DCC: variants seen among roughly 807,000 people sequenced by gnomAD.
DCC encodes the protein DCC netrin 1 receptor, also known as netrin receptor DCC.
DCC carries 58 observed loss-of-function variants against 172.5 expected under a neutral mutation model. The ratio of observed to expected loss-of-function variants is 0.34; its 90% confidence interval spans 0.27 to 0.42. The LOEUF (loss-of-function observed/expected upper bound fraction) is 0.42, where lower values mean the gene tolerates loss of function less well. Ranked by LOEUF, DCC falls within the 10% of genes least tolerant of loss-of-function variation. DCC has a pLI of 1.00. For synonymous variants in DCC, 709 were observed against 644.5 expected, an observed-to-expected ratio of 1.10 and a Z score of -1.52; for missense variants, 1,740 against 1,791.0, an observed-to-expected ratio of 0.97 and a Z score of 0.51.
In DCC at chr18:53,312,808, C is replaced by CAAAAAA. The variant is rs551648972; in HGVS notation, c.2053+7101_2053+7106dup. On this transcript the variant is annotated intron_variant, in intron 13 of 28. Coordinates refer to ENST00000442544, the MANE Select transcript of DCC (RefSeq NM_005215.4). ...TGGGCGACAGAGCAAGACACTGTCT[C>CAAAAAA]AAAAAAAAAAAAAAAAAGCTTTTAA... 4.4e-4 allele frequency among the ~76,000 whole-genome samples: 27 copies of CAAAAAA among 61,848 alleles called. 2 individuals carry two copies. The highest frequency in any genetic ancestry group is 2.0e-3 in the African/African-American group (24 of 12,084). 40.6% of individuals were successfully genotyped at this position (61,848 alleles called of 152,430 possible). A position where few individuals can be genotyped will look rare whatever the true frequency, so the allele number is the denominator to read the frequency against.
intron 5 of DCC, among the ~76,000 whole-genome samples, chr18:52,982,661 T>A (rs2041230737): frequency 6.6e-6 from 1 of 152,048 alleles, no homozygotes; most frequent in Admixed American, 6.6e-5. Context: ...CAGCCAAACA[T>A]GTTTTGAGAT....
intron 12 of DCC, among the ~76,000 whole-genome samples, chr18:53,295,206 T>G (rs2057052357): frequency 6.6e-6 from 1 of 152,134 alleles, no homozygotes. Flanking sequence ...ATTACGGATC[T>G]CAACTTTAGT....
intron 1 of DCC, among the ~76,000 whole-genome samples, chr18:52,423,826 T>C (rs1598807210): frequency 1.3e-5 from 2 of 152,304 alleles, no homozygotes; most frequent in East Asian, 3.9e-4. Flanking sequence ...GTGTGACCTT[T>C]TCTAATCTTT....
chr18:52,975,296 A>C (rs375618849), intron 5 of DCC, among the ~76,000 whole-genome samples: 14 of 152,108 alleles, frequency 9.2e-5, no homozygotes, highest in East Asian at 1.9e-4. Flanking sequence ...GAAGAGAGAG[A>C]GAGCTCTGGT....
rs865895980 is a variant in DCC, at chr18:53,427,954, A to C, written c.3164-7190A>C. Among the ~76,000 whole-genome samples, 203 of 39,666 alleles carry C rather than the reference A, an allele frequency of 5.1e-3. 27 individuals carry two copies. The highest frequency in any genetic ancestry group is 0.012 in the African/African-American group (194 of 16,698). The allele number at this position is 39,666 out of a possible 152,430, so 26.0% of individuals were successfully genotyped here. The stretch of plus-strand genomic sequence containing the variant: ...TATAATATAATATATTATAATATAT[A>C]ATATAATAATATAATATATAATATA... On this transcript the variant is annotated intron_variant, in intron 21 of 28. Coordinates refer to ENST00000442544, the MANE Select transcript of DCC (RefSeq NM_005215.4).
At chr18:52,580,462 G>C (rs1269768673) in intron 1 of DCC, among the ~76,000 whole-genome samples, 3 of 152,118 alleles carry the variant, frequency 2.0e-5, no homozygotes, top group Admixed American at 1.3e-4. Flanking sequence ...GCAATTTCAG[G>C]TTAAGAGATA....
intron 1 of DCC, among the ~76,000 whole-genome samples, chr18:52,418,648 G>T (rs1987130865): frequency 6.6e-6 from 1 of 152,126 alleles, no homozygotes; most frequent in South Asian, 2.1e-4. Context: ...CACAAGCAGT[G>T]GGTCCAACAC....
At chr18:52,342,958 G>T (rs1246958641) in intron 1 of DCC, among the ~76,000 whole-genome samples, 4 of 152,166 alleles carry the variant, frequency 2.6e-5, no homozygotes, top group African/African-American at 9.7e-5. Flanking sequence ...TCAACAGACA[G>T]ATCTATGCTT....
chr18:52,983,177 C>T (rs2041237779), intron 5 of DCC, among the ~76,000 whole-genome samples: 1 of 152,112 alleles, frequency 6.6e-6, no homozygotes, highest in Non-Finnish European at 1.5e-5. Context: ...AATTTGCCCT[C>T]TAGCTTCCCC....
chr18:52,948,181 G>A (rs1209260692), intron 5 of DCC, among the ~76,000 whole-genome samples: 1 of 151,986 alleles, frequency 6.6e-6, no homozygotes, highest in Non-Finnish European at 1.5e-5. Flanking sequence ...TGATATCATG[G>A]GTATTTTATT....
chr18:52,798,125 G>A (rs62083280), intron 2 of DCC, among the ~76,000 whole-genome samples: 3,837 of 150,866 alleles, frequency 0.025, 69 homozygotes, highest in Middle Eastern at 0.078. Flanking sequence ...ATGAGATGTT[G>A]CATAGGGCAA....
intron 1 of DCC, among the ~76,000 whole-genome samples, chr18:52,504,158 G>A (rs77068759): frequency 0.019 from 2,890 of 152,156 alleles, 99 homozygotes; most frequent in African/African-American, 0.066. Context: ...GGGCTGGTAC[G>A]GGTGATTGCT....
intron 22 of DCC, among the ~76,000 whole-genome samples, chr18:53,446,098 C>G (rs190601254): frequency 2.9e-3 from 95 of 32,278 alleles, no homozygotes; most frequent in African/African-American, 5.8e-3. Context: ...CCTGTCTCTA[C>G]AAAAAAAAAA....
chr18:53,284,432 A>C (rs2056911503), intron 12 of DCC, among the ~76,000 whole-genome samples: 1 of 151,972 alleles, frequency 6.6e-6, no homozygotes, highest in Non-Finnish European at 1.5e-5. Flanking sequence ...ATGAGATCTT[A>C]TGGTTTTAAA....
chr18:53,364,791 A>G (rs1034256174), intron 15 of DCC, among the ~76,000 whole-genome samples: 5 of 152,138 alleles, frequency 3.3e-5, no homozygotes, highest in African/African-American at 1.2e-4. Context: ...AACATTAGAC[A>G]TCATCTTGGG....
intron 1 of DCC, among the ~76,000 whole-genome samples, chr18:52,427,141 G>T (rs938700544): frequency 6.6e-6 from 1 of 152,080 alleles, no homozygotes; most frequent in African/African-American, 2.4e-5. Flanking sequence ...CTTACTACTG[G>T]AAGGGAAATT....
At chr18:52,506,804 A>G (rs2031245330) in intron 1 of DCC, among the ~76,000 whole-genome samples, 1 of 152,116 alleles carries the variant, frequency 6.6e-6, no homozygotes, top group Non-Finnish European at 1.5e-5. Context: ...AGATATAATT[A>G]TTTCTTCATT....
chr18:52,443,194 G>A (rs1186822806), intron 1 of DCC, among the ~76,000 whole-genome samples: 1 of 152,116 alleles, frequency 6.6e-6, no homozygotes, highest in Non-Finnish European at 1.5e-5. Context: ...GTTGTTATAA[G>A]AAATATTAAA....
chr18:52,460,592 G>A (rs1988599851), intron 1 of DCC, among the ~76,000 whole-genome samples: 2 of 152,040 alleles, frequency 1.3e-5, no homozygotes. Context: ...GAACATCATA[G>A]AGTGCACTTA....
Sources: allele counts gnomAD v4.1 joint callset (sites outside exome capture counted in the v4.1 genomes callset), GRCh38; gene constraint gnomAD v4.1.1; transcripts MANE v1.5; gene names NCBI Gene and HGNC (gene_info 2026-07-23, HGNC 2026-07-21).